The following B3GALT1 variants were observed in gnomAD, a reference collection of about 807,000 sequenced individuals.
The protein encoded by B3GALT1 is UDP-Gal:betaGlcNAc beta 1,3-galactosyltransferase, polypeptide 1.
Under a neutral mutation model 23.2 loss-of-function variants are expected in B3GALT1, and 10 were observed. The ratio of observed to expected loss-of-function variants is 0.43; its 90% CI spans 0.27 to 0.73. The LOEUF (loss-of-function observed/expected upper bound fraction) is 0.73. Among genes scored for constraint, B3GALT1 ranks in the 30% least tolerant of loss-of-function variants. The pLI, the probability that B3GALT1 is intolerant of heterozygous loss-of-function variation, is 0.21. For synonymous variants in B3GALT1, 156 were observed against 141.5 expected (o/e 1.10, Z -0.73); for missense variants, 299 against 405.4 (o/e 0.74, Z 2.25).
chr2:167,844,269 G>C (rs182600205), intron 4 of B3GALT1, among the ~76,000 whole-genome samples: 1 of 152,312 alleles, frequency 6.6e-6, no homozygotes, highest in African/African-American at 2.4e-5. Context: ...CTGGATTGCA[G>C]CTCCACACAG....
intron 3 of B3GALT1, among the ~76,000 whole-genome samples, chr2:167,663,294 AT>A (rs914488097): frequency 1.4e-4 from 22 of 151,904 alleles, no homozygotes; most frequent in South Asian, 1.3e-3. Context: ...TTAACTCATC[AT>A]TTTTTTATGG....
intron 1 of B3GALT1, among the ~76,000 whole-genome samples, chr2:167,445,862 C>T (rs916355775): frequency 6.6e-6 from 1 of 152,138 alleles, no homozygotes; most frequent in Non-Finnish European, 1.5e-5. Context: ...AGCCCATTTA[C>T]ACTTAAGGTT....
At chr2:167,345,105 G>C (rs531708924) in intron 1 of B3GALT1, among the ~76,000 whole-genome samples, 4 of 152,284 alleles carry the variant, frequency 2.6e-5, no homozygotes, top group South Asian at 4.1e-4. Flanking sequence ...CTAAGTAAAT[G>C]ATGGCCACCA....
chr2:167,564,146 C>T (rs7565127), intron 2 of B3GALT1, among the ~76,000 whole-genome samples: 53,169 of 149,456 alleles, frequency 0.36, 10,364 homozygotes, highest in East Asian at 0.85. Flanking sequence ...ACTTCTCAGA[C>T]GGGGCGGTTG....
chr2:167,745,331 C>T (rs554006281), intron 3 of B3GALT1, among the ~76,000 whole-genome samples: 7 of 151,898 alleles, frequency 4.6e-5, no homozygotes, highest in Middle Eastern at 6.8e-3. Context: ...AAACTAGACA[C>T]GATTATGGTT....
intron 3 of B3GALT1, among the ~76,000 whole-genome samples, chr2:167,664,011 G>C (rs1159072780): frequency 6.7e-6 from 1 of 148,384 alleles, no homozygotes; most frequent in African/African-American, 2.6e-5. Flanking sequence ...ATTGCTTTTG[G>C]TGTTTTAGAC....
intron 1 of B3GALT1, among the ~76,000 whole-genome samples, chr2:167,462,542 T>C (rs1370965731): frequency 6.6e-6 from 1 of 152,148 alleles, no homozygotes. Context: ...ATTTTTCCCC[T>C]AAAAATTGGC....
intron 1 of B3GALT1, among the ~76,000 whole-genome samples, chr2:167,334,886 A>C (rs2105242693): frequency 6.6e-6 from 1 of 152,238 alleles, no homozygotes; most frequent in African/African-American, 2.4e-5. Context: ...TTTTCTCAGG[A>C]CTGTTCTCTC....
intron 2 of B3GALT1, among the ~76,000 whole-genome samples, chr2:167,491,291 T>G (rs1699705464): frequency 2.0e-5 from 3 of 152,138 alleles, no homozygotes; most frequent in African/African-American, 7.2e-5. Context: ...TCTGTGGTAT[T>G]TCTTCTGTAC....
At chr2:167,676,167 G>A (rs1156380926) in intron 3 of B3GALT1, among the ~76,000 whole-genome samples, 3 of 151,828 alleles carry the variant, frequency 2.0e-5, no homozygotes, top group Non-Finnish European at 2.9e-5. Context: ...AGCACCCCTC[G>A]CTTCCTCTCA....
In B3GALT1 at chr2:167,636,915, CA is replaced by C. The variant is rs757412894; in HGVS notation, c.-409-9993del. ...TGGGTTGATGGGTGCAGCAAACCAACATGGCATGTGTATACCTATGTAACAA... is the reference window on the plus strand; with the variant it reads ...TGGGTTGATGGGTGCAGCAAACCAACTGGCATGTGTATACCTATGTAACAA... On this transcript the variant is annotated intron_variant, in intron 2 of 4. Coordinates refer to ENST00000392690, the MANE Select transcript of B3GALT1 (RefSeq NM_020981.4). Among the ~76,000 whole-genome samples, 13 of 151,970 alleles carry C rather than the reference CA, an allele frequency of 8.6e-5. 1 individual carries two copies. Among genetic ancestry groups the C allele is most frequent in the Non-Finnish European group, 4.4e-5 (3 of 67,984 alleles).
chr2:167,874,002 G>A lies in B3GALT1; in HGVS notation c.*3982G>A, dbSNP rs1449661199. 1.3e-5 allele frequency: 2 copies of A among 152,182 alleles called. No homozygotes were observed. Among genetic ancestry groups the A allele is most frequent in the Non-Finnish European group, 2.9e-5 (2 of 68,022 alleles). The allele number at this position is 152,182 out of a possible 1,614,324, so 9.4% of individuals were successfully genotyped here. A position where few individuals can be genotyped will look rare whatever the true frequency, so the allele number is the denominator to read the frequency against. On this transcript the variant is annotated 3_prime_UTR_variant, in exon 5 of 5. Transcript: ENST00000392690. ...AGGAAGATTATGGTTCCATAAAGCT[G>A]ATTTTTTTAAACCATTGGGACAAAT...
In B3GALT1 at chr2:167,732,483, T is replaced by G. The variant is rs1034761886; in HGVS notation, c.-352+85517T>G. On this transcript the variant is annotated intron_variant, in intron 3 of 4. Coordinates refer to ENST00000392690, the MANE Select transcript of B3GALT1 (RefSeq NM_020981.4). ...CTTTTCCACAGCACCGGAGCCAACA[T>G]GCAGTGGATATGCCACTGGCACAGA... Among the ~76,000 whole-genome samples the G allele has an allele frequency of 8.4e-4, 128 of 152,300 alleles. 1 individual carries two copies. Among genetic ancestry groups the G allele is most frequent in the African/African-American group, 3.0e-3 (124 of 41,568 alleles).
chr2:167,632,399 A>G (rs1214563608), intron 2 of B3GALT1, among the ~76,000 whole-genome samples: 2 of 152,110 alleles, frequency 1.3e-5, no homozygotes, highest in East Asian at 3.9e-4. Flanking sequence ...GAACTAATTT[A>G]CACTCCCACC....
chr2:167,715,200 C>G, intron 3 of B3GALT1: 1 of 1,613,958 alleles, frequency 6.2e-7, no homozygotes, highest in Non-Finnish European at 8.5e-7. Context: ...TCCAAGTTAT[C>G]ATCATCCGTT....
At chr2:167,834,635 G>A (rs10179157) in intron 4 of B3GALT1, among the ~76,000 whole-genome samples, 12 of 152,164 alleles carry the variant, frequency 7.9e-5, no homozygotes, top group African/African-American at 2.7e-4. Flanking sequence ...GATCACCTGA[G>A]GTCAGGAATT....
At chr2:167,663,228 C>A (rs951750170) in intron 3 of B3GALT1, among the ~76,000 whole-genome samples, 9 of 150,268 alleles carry the variant, frequency 6.0e-5, no homozygotes, top group African/African-American at 2.2e-4. Context: ...TTTGTTCTTG[C>A]GATAGTTTAC....
At chr2:167,703,418 A>G (rs1050625523) in intron 3 of B3GALT1, among the ~76,000 whole-genome samples, 30 of 152,210 alleles carry the variant, frequency 2.0e-4, no homozygotes, top group African/African-American at 6.3e-4. Context: ...CCCATGCTGA[A>G]GTGACTCAGG....
chr2:167,693,156 A>AT (rs1686740422), intron 3 of B3GALT1, among the ~76,000 whole-genome samples: 1 of 152,020 alleles, frequency 6.6e-6, no homozygotes, highest in Non-Finnish European at 1.5e-5. Flanking sequence ...GTCCCGGTGC[A>AT]ATACCCTTTA....
Sources: gnomAD v4.1 joint callset for allele counts (sites outside exome capture counted in the v4.1 genomes callset) on GRCh38, gnomAD v4.1.1 for gene constraint, MANE v1.5 for transcripts, NCBI Gene and HGNC (gene_info 2026-07-23, HGNC 2026-07-21) for gene names.